YAE1: variants seen among roughly 807,000 people sequenced by gnomAD.
YAE1 encodes YAE1 maturation factor of ABCE1.
Under a neutral mutation model 23.0 loss-of-function variants are expected in YAE1, and 22 were observed. The ratio of observed to expected loss-of-function variants is 0.96; its 90% CI spans 0.68 to 1.37. YAE1 has a LOEUF of 1.37. Ranked by LOEUF, YAE1 falls within the 40% of genes most tolerant of loss-of-function variation. The pLI, the probability that YAE1 is intolerant of heterozygous loss-of-function variation, is 0.00. For synonymous variants in YAE1, 101 were observed against 97.0 expected (o/e 1.04, Z -0.24); for missense variants, 260 against 262.1 (o/e 0.99, Z 0.06).
At chr7:39,582,725 A>C (rs1297169214) in intron 2 of YAE1, among the ~76,000 whole-genome samples, 2 of 152,238 alleles carry the variant, frequency 1.3e-5, no homozygotes, top group African/African-American at 4.8e-5. Flanking sequence ...TCAGCTACTC[A>C]TCAGAGACCT....
intron 2 of YAE1, among the ~76,000 whole-genome samples, chr7:39,588,317 G>A (rs1272312578): frequency 6.6e-6 from 1 of 152,068 alleles, no homozygotes; most frequent in African/African-American, 2.4e-5. Context: ...TTCAAGAACA[G>A]CCTGGCCAAC....
intron 2 of YAE1, among the ~76,000 whole-genome samples, chr7:39,608,554 T>A (rs1791162143): frequency 6.6e-6 from 1 of 152,200 alleles, no homozygotes; most frequent in African/African-American, 2.4e-5. Flanking sequence ...CTCTTGACCA[T>A]AATAAGCACC....
At position 39,578,730 on chromosome 7, in the gene YAE1, TAAGAACTGTA is replaced by T. The variant is rs1032503938; in HGVS notation, c.251+8105_251+8114del. On this transcript the variant is annotated intron_variant, in intron 2 of 2. Coordinates refer to the YAE1 transcript ENST00000432096. ...GAACAACCTCCGGACACACCACCTT[TAAGAACTGTA>T]ACACTCACCGCGAGGGTCTGCAGCT... 3.9e-5 allele frequency among the ~76,000 whole-genome samples: 6 copies of T among 152,258 alleles called. No individual in the cohort carries two copies. The East Asian group carries it at 9.6e-4, about 24-fold the overall frequency.
chr7:39,588,675 C>G (rs769012801), intron 2 of YAE1, among the ~76,000 whole-genome samples: 4 of 152,090 alleles, frequency 2.6e-5, no homozygotes, highest in Non-Finnish European at 5.9e-5. Flanking sequence ...TTAGTACTAA[C>G]GTTGTTTACA....
At chr7:39,570,063 C>T (rs982719533) in intron 1 of YAE1, 27 of 1,262,250 alleles carry the variant, frequency 2.1e-5, no homozygotes, top group Non-Finnish European at 2.9e-5. Flanking sequence ...ATCATCCAGC[C>T]TCCTTCCAGC....
At position 39,601,939 on chromosome 7, in the gene YAE1, T is replaced by C. The variant is rs149738739; in HGVS notation, c.252-7678T>C. ...AATATTCTAACTTCAAGGGGCATAATGCCGAAGAGTGCCCAGCAAGTGGTT... is the reference window on the plus strand; with the variant it reads ...AATATTCTAACTTCAAGGGGCATAACGCCGAAGAGTGCCCAGCAAGTGGTT... On this transcript the variant is annotated intron_variant, in intron 2 of 2. Transcript: ENST00000432096. 9.7e-4 allele frequency among the ~76,000 whole-genome samples: 147 copies of C among 152,254 alleles called. 2 individuals are homozygous for C. In the East Asian group the frequency reaches 0.026, roughly 27 times the overall value.
intron 2 of YAE1, among the ~76,000 whole-genome samples, chr7:39,601,528 G>T (rs1013303337): frequency 6.6e-6 from 1 of 152,130 alleles, no homozygotes; most frequent in Non-Finnish European, 1.5e-5. Context: ...GGGAGGCCGA[G>T]ATGGGTGGAT....
At chr7:39,590,584 T>A (rs978366616) in intron 2 of YAE1, among the ~76,000 whole-genome samples, 3 of 152,242 alleles carry the variant, frequency 2.0e-5, no homozygotes, top group Non-Finnish European at 4.4e-5. Flanking sequence ...TATTTCATTA[T>A]GTAGGACCCA....
chr7:39,592,816 G>T (rs117952395), intron 2 of YAE1, among the ~76,000 whole-genome samples: 1,009 of 152,204 alleles, frequency 6.6e-3, no homozygotes, highest in Non-Finnish European at 0.01. Flanking sequence ...ATTACAACGT[G>T]CCTAGATGTA....
chr7:39,608,486 T>A, intron 2 of YAE1, among the ~76,000 whole-genome samples: 1 of 151,866 alleles, frequency 6.6e-6, no homozygotes, highest in Non-Finnish European at 1.5e-5. Context: ...AAGAAAAGGG[T>A]AGAAAACAAA....
At chr7:39,576,376 T>C (rs1231252731), downstream of YAE1, among the ~76,000 whole-genome samples, 1 of 152,220 alleles carries the variant, frequency 6.6e-6, no homozygotes, top group Non-Finnish European at 1.5e-5. Flanking sequence ...TGTTTCTGTT[T>C]TTGTTTTTCA....
At chr7:39,597,764 A>G (rs1790996890) in intron 2 of YAE1, among the ~76,000 whole-genome samples, 1 of 152,092 alleles carries the variant, frequency 6.6e-6, no homozygotes, top group Non-Finnish European at 1.5e-5. Flanking sequence ...CCATCCTTTC[A>G]CTTCCCAAAA....
At position 39,598,560 on chromosome 7, in the gene YAE1, T is replaced by C. The variant is rs151183808; in HGVS notation, c.252-11057T>C. On this transcript the variant is annotated intron_variant, in intron 2 of 2. Transcript: ENST00000432096. Reference sequence around the variant, plus strand: ...GGTAGGCCAAGAAGGGTGGATCACTTGAGCTCAGGAGTGTGAAACCAGCCT... The same window carrying C: ...GGTAGGCCAAGAAGGGTGGATCACTCGAGCTCAGGAGTGTGAAACCAGCCT... 2.8e-4 allele frequency among the ~76,000 whole-genome samples: 42 copies of C among 152,046 alleles called. 1 individual carries two copies. The East Asian group carries it at 7.8e-3, about 28-fold the overall frequency.
At chr7:39,567,614 T>C (rs1048924124) in intron 1 of YAE1, among the ~76,000 whole-genome samples, 1 of 152,168 alleles carries the variant, frequency 6.6e-6, no homozygotes, top group Non-Finnish European at 1.5e-5. Flanking sequence ...TGTTTTTTGT[T>C]TTTTGGTTTT....
chr7:39,605,921 A>G (rs1433900172), intron 2 of YAE1, among the ~76,000 whole-genome samples: 1 of 152,044 alleles, frequency 6.6e-6, no homozygotes, highest in Non-Finnish European at 1.5e-5. Context: ...TGTTTCATTC[A>G]TCATCAGAGT....
intron 2 of YAE1, among the ~76,000 whole-genome samples, chr7:39,583,777 C>T (rs1289507718): frequency 6.6e-6 from 1 of 152,112 alleles, no homozygotes; most frequent in Non-Finnish European, 1.5e-5. Context: ...ATGTAAAGCC[C>T]TTGTTTGGTG....
At chr7:39,574,110 GTCA>G (rs140553027), downstream of YAE1, among the ~76,000 whole-genome samples, 7,341 of 152,258 alleles carry the variant, frequency 0.048, 240 homozygotes, top group South Asian at 0.096. Context: ...AAGTAAAAAT[GTCA>G]TGGGTGTGGT....
In YAE1 at chr7:39,572,823, G is replaced by T. The variant is rs1790595383; in HGVS notation, c.*117G>T. On this transcript the variant is annotated 3_prime_UTR_variant, in exon 3 of 3. Coordinates refer to ENST00000223273, the MANE Select transcript of YAE1 (RefSeq NM_020192.5). ...AACTGTAGGGTTACCCTTTATGGAA[G>T]TTTGAAATTAACACTATTGTCTTCA... The T allele has an allele frequency of 4.3e-6, 6 of 1,409,290 alleles. No individual in the cohort carries two copies. The East Asian group carries it at 1.5e-4, about 36-fold the overall frequency. 87.3% of individuals were successfully genotyped at this position (1,409,290 alleles called of 1,614,324 possible). A position where few individuals can be genotyped will look rare whatever the true frequency, so the allele number is the denominator to read the frequency against.
downstream of YAE1, among the ~76,000 whole-genome samples, chr7:39,575,569 A>AGAGAGAGAGT (rs1170179054): frequency 1.1e-5 from 1 of 95,034 alleles, no homozygotes; most frequent in African/African-American, 7.2e-5. Flanking sequence ...AGAGAGAGAG[A>AGAGAGAGAGT]GAGAGAGAGT....
Sources: gnomAD v4.1 joint callset for allele counts (sites outside exome capture counted in the v4.1 genomes callset) on GRCh38, gnomAD v4.1.1 for gene constraint, MANE v1.5 for transcripts, NCBI Gene and HGNC (gene_info 2026-07-23, HGNC 2026-07-21) for gene names.